CDH4: variants seen among roughly 807,000 people sequenced by gnomAD.
The protein encoded by CDH4 is cadherin 4, also known as cadherin-4.
Under a neutral mutation model 86.0 loss-of-function variants are expected in CDH4, and 33 were observed. That is an observed-to-expected ratio of 0.38 (90% CI 0.29 to 0.51). The LOEUF is 0.51. Among genes scored for constraint, CDH4 ranks in the 20% least tolerant of loss-of-function variants. The pLI is 0.86. For synonymous variants in CDH4, 555 were observed against 549.4 expected, an observed-to-expected ratio of 1.01 and a Z score of -0.14; for missense variants, 1,114 against 1,307.4, an observed-to-expected ratio of 0.85 and a Z score of 2.28.
intron 2 of CDH4, among the ~76,000 whole-genome samples, chr20:61,284,032 C>G (rs1030265117): frequency 1.1e-4 from 17 of 151,854 alleles, no homozygotes; most frequent in African/African-American, 4.1e-4. Flanking sequence ...TTTGGCCGGG[C>G]GCGGTGGCTC....
In CDH4 at chr20:61,902,328, C is replaced by T. The variant is rs150392714; in HGVS notation, c.1188+7281C>T. 5.3e-4 allele frequency among the ~76,000 whole-genome samples: 80 copies of T among 152,366 alleles called. 1 individual carries two copies. The highest frequency in any genetic ancestry group is 1.7e-3 in the African/African-American group (70 of 41,594). The stretch of plus-strand genomic sequence containing the variant: ...CCAGGAGAAGCAGCCTCACTCTGCC[C>T]TTCACCAGCCACGGAGACCCGGGGT... On this transcript the variant is annotated intron_variant, in intron 8 of 15. Transcript: ENST00000614565. This position sits in a 1 kb window ranked among gnomAD's most constrained non-coding sequence, Gnocchi z 4.6.
chr20:61,401,692 A>G (rs80155708), intron 2 of CDH4, among the ~76,000 whole-genome samples: 6 of 152,286 alleles, frequency 3.9e-5, no homozygotes, highest in South Asian at 4.1e-4. Flanking sequence ...TGTGATAGGA[A>G]TGTCACTCTG....
At chr20:61,630,368 A>G (rs1474034842) in intron 2 of CDH4, among the ~76,000 whole-genome samples, 1 of 152,132 alleles carries the variant, frequency 6.6e-6, no homozygotes, top group East Asian at 1.9e-4. Context: ...GATGCTCTTG[A>G]CCACGGTCAG....
chr20:61,756,513 C>T (rs1379054991), intron 3 of CDH4, among the ~76,000 whole-genome samples: 1 of 142,698 alleles, frequency 7.0e-6, no homozygotes, highest in Non-Finnish European at 1.5e-5. Context: ...CCAGGCCCAT[C>T]CCCCCATCCC....
At chr20:61,631,234 G>C (rs1036104283) in intron 2 of CDH4, among the ~76,000 whole-genome samples, 6 of 152,228 alleles carry the variant, frequency 3.9e-5, no homozygotes, top group Non-Finnish European at 8.8e-5. Flanking sequence ...GTTTCCGTCT[G>C]TGTCCACTGT....
chr20:61,804,246 G>C (rs1485045683), intron 4 of CDH4, among the ~76,000 whole-genome samples: 1 of 152,250 alleles, frequency 6.6e-6, no homozygotes, highest in Non-Finnish European at 1.5e-5. Context: ...GCTGGCCTCT[G>C]CAGGTTCTGT....
At chr20:61,876,192 C>G (rs572175242) in intron 7 of CDH4, among the ~76,000 whole-genome samples, 2 of 152,354 alleles carry the variant, frequency 1.3e-5, no homozygotes, top group East Asian at 1.9e-4. Flanking sequence ...TGGGATGGCC[C>G]CTTGCAGGGG....
intron 2 of CDH4, among the ~76,000 whole-genome samples, chr20:61,668,368 C>T (rs2087350673): frequency 6.6e-6 from 1 of 152,228 alleles, no homozygotes; most frequent in Non-Finnish European, 1.5e-5. Context: ...GAGGATGCAC[C>T]TGCCTGGAAA....
intron 2 of CDH4, among the ~76,000 whole-genome samples, chr20:61,553,123 A>G (rs1174388144): frequency 6.6e-6 from 1 of 152,260 alleles, no homozygotes; most frequent in Non-Finnish European, 1.5e-5. Flanking sequence ...TGAAGTCCGT[A>G]TGCAAGCTAC....
chr20:61,277,868 C>T (rs745595045), intron 2 of CDH4, among the ~76,000 whole-genome samples: 1 of 152,314 alleles, frequency 6.6e-6, no homozygotes, highest in Admixed American at 6.5e-5. Context: ...CATGAGCGTT[C>T]TGATGGAGCA....
At chr20:61,256,224 G>A (rs1248827762) in intron 2 of CDH4, among the ~76,000 whole-genome samples, 1 of 152,136 alleles carries the variant, frequency 6.6e-6, no homozygotes. Flanking sequence ...GCGTTGGACG[G>A]TCTCTTATAA....
intron 2 of CDH4, among the ~76,000 whole-genome samples, chr20:61,625,019 G>A (rs2086817131): frequency 6.6e-6 from 1 of 152,228 alleles, no homozygotes; most frequent in African/African-American, 2.4e-5. Flanking sequence ...GTAAGGCCCA[G>A]AACCCAAGTT....
At chr20:61,837,836 C>G (rs56990284) in intron 4 of CDH4, among the ~76,000 whole-genome samples, 3,950 of 152,214 alleles carry the variant, frequency 0.026, 140 homozygotes, top group East Asian at 0.098. Flanking sequence ...CCTCCTCATG[C>G]TCTGGAACCC....
intron 2 of CDH4, among the ~76,000 whole-genome samples, chr20:61,374,443 G>T (rs1396680744): frequency 6.6e-6 from 1 of 152,168 alleles, no homozygotes; most frequent in African/African-American, 2.4e-5. Flanking sequence ...AACTCTGCTT[G>T]CAGACTGCCC....
intron 4 of CDH4, among the ~76,000 whole-genome samples, chr20:61,799,973 A>C (rs1195717194): frequency 6.6e-6 from 1 of 151,876 alleles, no homozygotes; most frequent in Non-Finnish European, 1.5e-5. Context: ...GCTTGTCTTC[A>C]TGGCCCGTCC....
At chr20:61,689,263 T>G (rs1190149017) in intron 2 of CDH4, among the ~76,000 whole-genome samples, 1,372 of 62,376 alleles carry the variant, frequency 0.022, 39 homozygotes, top group East Asian at 0.079. Flanking sequence ...GGAATTGGGC[T>G]GGGACAGTGG....
chr20:61,718,757 C>T (rs1354027536), intron 2 of CDH4: 2 of 463,254 alleles, frequency 4.3e-6, no homozygotes, highest in Admixed American at 4.7e-5. Context: ...GCTAACAGGC[C>T]ACCCTACACC....
intron 2 of CDH4, among the ~76,000 whole-genome samples, chr20:61,731,224 T>C (rs1200138671): frequency 6.6e-6 from 1 of 152,056 alleles, no homozygotes; most frequent in African/African-American, 2.4e-5. Flanking sequence ...GCTTGTGGTG[T>C]GTCCCATTCT....
intron 14 of CDH4, 40 bp downstream of exon 14, chr20:61,933,164 G>A (rs367546827): frequency 1.0e-5 from 16 of 1,601,366 alleles, no homozygotes; most frequent in African/African-American, 8.0e-5. Context: ...ACGCGAGGCC[G>A]GCTCTCACGT....
Sources: gnomAD v4.1 joint callset for allele counts (sites outside exome capture counted in the v4.1 genomes callset) on GRCh38, gnomAD v4.1.1 for gene constraint, Gnocchi (gnomAD v3.1) non-coding constraint, MANE v1.5 for transcripts, NCBI Gene and HGNC (gene_info 2026-07-23, HGNC 2026-07-21) for gene names.